Variants in CAMKK1 observed in about 807,000 individuals in gnomAD.
The protein encoded by CAMKK1 is calcium/calmodulin dependent protein kinase kinase 1.
A neutral mutation model predicts 63.5 loss-of-function variants in CAMKK1; 20 were observed. The ratio of observed to expected loss-of-function variants is 0.32; its 90% confidence interval spans 0.22 to 0.46. The LOEUF (loss-of-function observed/expected upper bound fraction) is 0.46. Among genes scored for constraint, CAMKK1 ranks in the 20% least tolerant of loss-of-function variants. The pLI, the probability that CAMKK1 is intolerant of heterozygous loss-of-function variation, is 1.00. For synonymous variants in CAMKK1, 253 were observed against 269.0 expected, an observed-to-expected ratio of 0.94 and a Z score of 0.58; for missense variants, 588 against 658.1, an observed-to-expected ratio of 0.89 and a Z score of 1.17.
chr17:3,871,459 G>T (rs747657984), intron 12 of CAMKK1, among the ~76,000 whole-genome samples: 4 of 142,230 alleles, frequency 2.8e-5, no homozygotes, highest in African/African-American at 1.1e-4. Context: ...GGTTCACGCC[G>T]TTCTCCTGCC....
Position 3,882,670 on chromosome 17 carries a change from A to G in CAMKK1, c.649-106T>C. 1 of 1,040,868 alleles carries G rather than the reference A, an allele frequency of 9.6e-7. No homozygotes were observed. Among genetic ancestry groups the G allele is most frequent in the South Asian group, 1.4e-5 (1 of 72,098 alleles). The allele number at this position is 1,040,868 out of a possible 1,614,324, so 64.5% of individuals were successfully genotyped here. On this transcript the variant is annotated intron_variant, in intron 6 of 15. Transcript: ENST00000348335. This position sits in a 1 kb window ranked among gnomAD's most constrained non-coding sequence, Gnocchi z 4.3. ...CCCCAGAACCCTTAGTATGCATGCA[A>G]CCACCCCAGACAAGGAAGCAGGAAG...
intron 1 of CAMKK1, among the ~76,000 whole-genome samples, chr17:3,891,094 G>C (rs954044215): frequency 4.1e-5 from 6 of 145,504 alleles, no homozygotes; most frequent in Non-Finnish European, 7.4e-5. Context: ...AGTGGCCTCA[G>C]ACTGGGGGCA....
rs1242684323 is a variant in CAMKK1, at chr17:3,882,419, C to T, written c.685+109G>A. ...CAGAACGTGTGTTTTTCTTCTGTCCCCAGGAGGTCAGTGCATTTACACCGC... is the reference window on the plus strand; with the variant it reads ...CAGAACGTGTGTTTTTCTTCTGTCCTCAGGAGGTCAGTGCATTTACACCGC... On this transcript the variant is annotated intron_variant, in intron 7 of 15. Transcript: ENST00000348335. This position sits in a 1 kb window ranked among gnomAD's most constrained non-coding sequence, Gnocchi z 4.3. 3 of 1,587,190 alleles carry T rather than the reference C, an allele frequency of 1.9e-6. No homozygotes were observed. Among genetic ancestry groups the T allele is most frequent in the African/African-American group, 2.7e-5 (2 of 74,294 alleles).
intron 15 of CAMKK1, among the ~76,000 whole-genome samples, chr17:3,864,254 T>A (rs2054427583): frequency 6.8e-6 from 1 of 147,730 alleles, no homozygotes; most frequent in African/African-American, 2.5e-5. Context: ...GCATAATAAT[T>A]ATTATTTTTT....
chr17:3,869,026 T>C (rs1322211782), intron 14 of CAMKK1, among the ~76,000 whole-genome samples: 1 of 150,812 alleles, frequency 6.6e-6, no homozygotes, highest in Admixed American at 6.6e-5. Context: ...TGGAGTGCAG[T>C]GGCGCGATCT....
At chr17:3,870,870 G>A (rs1352678054) in intron 12 of CAMKK1, among the ~76,000 whole-genome samples, 1 of 152,142 alleles carries the variant, frequency 6.6e-6, no homozygotes, top group African/African-American at 2.4e-5. Context: ...TACAACTGTG[G>A]AGGCAGGGAG....
chr17:3,886,776 C>G (rs886205295), intron 1 of CAMKK1, among the ~76,000 whole-genome samples: 3 of 152,128 alleles, frequency 2.0e-5, no homozygotes, highest in South Asian at 4.2e-4. Flanking sequence ...AGCCATGACC[C>G]TGGGCTACAT....
rs536253552 is a variant in CAMKK1, at chr17:3,862,060, C to G, written c.*151G>C. The G allele has an allele frequency of 4.7e-6, 3 of 636,238 alleles. No individual in the cohort carries two copies. In the Admixed American group the frequency reaches 7.8e-5, roughly 17 times the overall value. The allele number at this position is 636,238 out of a possible 1,614,324, so 39.4% of individuals were successfully genotyped here. Reference sequence around the variant, plus strand: ...TCCAGTCTGTCCCTGGACGTGCGTGCGTGGAGGTCATGCAGCACGATGGGG... The same window carrying G: ...TCCAGTCTGTCCCTGGACGTGCGTGGGTGGAGGTCATGCAGCACGATGGGG... On this transcript the variant is annotated 3_prime_UTR_variant, in exon 16 of 16. Coordinates refer to ENST00000348335, the MANE Select transcript of CAMKK1 (RefSeq NM_032294.3). This position sits in a 1 kb window ranked among gnomAD's most constrained non-coding sequence, Gnocchi z 4.1.
intron 12 of CAMKK1, among the ~76,000 whole-genome samples, chr17:3,871,136 G>C (rs2054827910): frequency 6.6e-6 from 1 of 152,102 alleles, no homozygotes; most frequent in South Asian, 2.1e-4. Context: ...GCGAGACCAG[G>C]GGGAAGGTGG....
chr17:3,886,449 T>C (rs2055655393), intron 1 of CAMKK1, among the ~76,000 whole-genome samples: 1 of 152,262 alleles, frequency 6.6e-6, no homozygotes, highest in Non-Finnish European at 1.5e-5. Context: ...CTGGCTAACA[T>C]GGCAAAACTC....
In CAMKK1 at chr17:3,889,625, T is replaced by C. The variant is rs1597495223; in HGVS notation, c.-44+3314A>G. ...GTGCCACAGCACTGTGGGGCTGGGA[T>C]GTGGCTGTGTCTAGAAGCGTCCAAG... is the stretch of plus-strand genomic sequence containing the variant. On this transcript the variant is annotated intron_variant, in intron 1 of 15. Coordinates refer to ENST00000348335, the MANE Select transcript of CAMKK1 (RefSeq NM_032294.3). This position sits in a 1 kb window ranked among gnomAD's most constrained non-coding sequence, Gnocchi z 5.2. 6.6e-6 allele frequency among the ~76,000 whole-genome samples: 1 copy of C among 152,078 alleles called. No homozygotes were observed. The highest frequency in any genetic ancestry group is 2.1e-4 in the South Asian group (1 of 4,828).
intron 15 of CAMKK1, among the ~76,000 whole-genome samples, chr17:3,863,958 CTT>C (rs34454542): frequency 6.9e-6 from 1 of 144,786 alleles, no homozygotes. Flanking sequence ...ACTTTTTTTT[CTT>C]TTTTTTTTTT....
rs1013861486 is a variant in CAMKK1 at position 3,879,883 on chromosome 17, A to C, written c.796+463T>G. On this transcript the variant is annotated intron_variant, in intron 9 of 15. Coordinates refer to ENST00000348335, the MANE Select transcript of CAMKK1 (RefSeq NM_032294.3). This position sits in a 1 kb window ranked among gnomAD's most constrained non-coding sequence, Gnocchi z 4.5. ...GGCAAGTGAATGTAGCTAATGAATG[A>C]AATGAGACAGAGGCCAAGCTCACAT... The C allele has an allele frequency of 3.1e-5, 5 of 161,726 alleles. No individual in the cohort carries two copies. The highest frequency in any genetic ancestry group is 1.2e-4 in the African/African-American group (5 of 41,718). The allele number at this position is 161,726 out of a possible 1,614,324, so 10.0% of individuals were successfully genotyped here.
chr17:3,868,307 C>T lies in CAMKK1; in HGVS notation c.1341+1180G>A, dbSNP rs560152678. ...TACGTGGGCACGGGGGAGATGCAGG[C>T]ACCGTCTAACTGATACACAGGATCT... is the stretch of plus-strand genomic sequence containing the variant. On this transcript the variant is annotated intron_variant, in intron 14 of 15. Coordinates refer to ENST00000348335, the MANE Select transcript of CAMKK1 (RefSeq NM_032294.3). Among the ~76,000 whole-genome samples the T allele has an allele frequency of 3.8e-4, 57 of 149,334 alleles. 1 individual carries two copies. In the South Asian group the frequency reaches 8.5e-3, roughly 22 times the overall value.
rs548829030 is a variant in CAMKK1 at position 3,879,916 on chromosome 17, C to G, written c.796+430G>C. The stretch of plus-strand genomic sequence containing the variant: ...CAGAGGCCAAGCTCACATCACCCTC[C>G]TGAGCTCTTATCAGACTAGGGCCCC... On this transcript the variant is annotated intron_variant, in intron 9 of 15. Transcript: ENST00000348335. The surrounding 1 kb of genome is among the most constrained non-coding windows in gnomAD (Gnocchi z 4.5). 6 of 181,658 alleles carry G rather than the reference C, an allele frequency of 3.3e-5. No individual in the cohort carries two copies. In the South Asian group the frequency reaches 6.8e-4, roughly 20 times the overall value. 11.3% of individuals were successfully genotyped at this position (181,658 alleles called of 1,614,324 possible).
chr17:3,882,180 CCT>C lies in CAMKK1; in HGVS notation c.685+346_685+347del. On this transcript the variant is annotated intron_variant, in intron 7 of 15. Transcript: ENST00000348335. The surrounding 1 kb of genome is among the most constrained non-coding windows in gnomAD (Gnocchi z 4.3). The stretch of plus-strand genomic sequence containing the variant: ...CTATGAGGTAGACACCACTAGTATC[CCT>C]GTTTTATAGGTGGGAAAACTGAGGC... 1 of 979,556 alleles carries C rather than the reference CCT, an allele frequency of 1.0e-6. No homozygotes were observed. The highest frequency in any genetic ancestry group is 1.5e-5 in the South Asian group (1 of 65,724). The allele number at this position is 979,556 out of a possible 1,614,324, so 60.7% of individuals were successfully genotyped here. A position where few individuals can be genotyped will look rare whatever the true frequency, so the allele number is the denominator to read the frequency against.
At chr17:3,865,822 C>T (rs567020252) in intron 15 of CAMKK1, 86 bp downstream of exon 15, 21 of 1,579,852 alleles carry the variant, frequency 1.3e-5, no homozygotes, top group South Asian at 5.7e-5. Context: ...CTTGGCCCAA[C>T]GACAGTGAGA....
Position 3,890,851 on chromosome 17 carries a change from C to A in CAMKK1, c.-44+2088G>T. On this transcript the variant is annotated intron_variant, in intron 1 of 15. Coordinates refer to ENST00000348335, the MANE Select transcript of CAMKK1 (RefSeq NM_032294.3). This position sits in a 1 kb window ranked among gnomAD's most constrained non-coding sequence, Gnocchi z 6.5. ...CCTCTTCTGAGCCCTCCTTGATCTC[C>A]CCACTACCTGCTGGGTGAGCTCACC... is the stretch of plus-strand genomic sequence containing the variant. 2.6e-6 allele frequency: 2 copies of A among 754,942 alleles called. No individual in the cohort carries two copies. Among genetic ancestry groups the A allele is most frequent in the South Asian group, 1.4e-5 (1 of 71,908 alleles). The allele number at this position is 754,942 out of a possible 1,614,324, so 46.8% of individuals were successfully genotyped here. A position where few individuals can be genotyped will look rare whatever the true frequency, so the allele number is the denominator to read the frequency against.
chr17:3,881,921 G>A, intron 7 of CAMKK1: 1 of 543,004 alleles, frequency 1.8e-6, no homozygotes. Flanking sequence ...GCACAGAGAA[G>A]GGGCAGAAAT....
Sources: allele counts gnomAD v4.1 joint callset (sites outside exome capture counted in the v4.1 genomes callset), GRCh38; gene constraint gnomAD v4.1.1; non-coding constraint Gnocchi (gnomAD v3.1); transcripts MANE v1.5; gene names NCBI Gene and HGNC (gene_info 2026-07-23, HGNC 2026-07-21).